The following SLC22A3 variants were observed in gnomAD, a reference collection of about 807,000 sequenced individuals.
SLC22A3 encodes the protein solute carrier family 22 member 3.
Under a neutral mutation model 59.1 loss-of-function variants are expected in SLC22A3, and 51 were observed. The ratio of observed to expected loss-of-function variants is 0.86; its 90% CI spans 0.69 to 1.09. The LOEUF (loss-of-function observed/expected upper bound fraction) is 1.09, where lower values mean the gene tolerates loss of function less well. Among genes scored for constraint, SLC22A3 ranks in the 50% least tolerant of loss-of-function variants. SLC22A3 has a pLI of 0.00. For missense variants in SLC22A3, 711 were observed against 726.3 expected (o/e 0.98, Z 0.24); for synonymous variants, 325 against 292.0 (o/e 1.11, Z -1.15).
At chr6:160,385,745 C>T (rs1785981198) in intron 1 of SLC22A3, among the ~76,000 whole-genome samples, 1 of 152,212 alleles carries the variant, frequency 6.6e-6, no homozygotes, top group Admixed American at 6.5e-5. Flanking sequence ...TGCTTACCTC[C>T]CTCGCAGGCT....
chr6:160,433,599 T>C (rs1788233285), intron 5 of SLC22A3, among the ~76,000 whole-genome samples: 1 of 152,108 alleles, frequency 6.6e-6, no homozygotes, highest in Admixed American at 6.6e-5. Context: ...TACCAGCTAC[T>C]CAGGAGGCTG....
At chr6:160,429,841 C>A (rs1788087481) in intron 5 of SLC22A3, among the ~76,000 whole-genome samples, 1 of 151,264 alleles carries the variant, frequency 6.6e-6, no homozygotes, top group African/African-American at 2.4e-5. Context: ...AAAAAGAAAT[C>A]CATTTCTTAA....
chr6:160,362,533 A>G (rs1331538850), intron 1 of SLC22A3, among the ~76,000 whole-genome samples: 2 of 152,148 alleles, frequency 1.3e-5, no homozygotes, highest in Non-Finnish European at 2.9e-5. Flanking sequence ...TAGTGTCTCC[A>G]TGTGAGTTTC....
chr6:160,448,442 G>A (rs1346816170), intron 10 of SLC22A3, among the ~76,000 whole-genome samples: 1 of 152,008 alleles, frequency 6.6e-6, no homozygotes, highest in African/African-American at 2.4e-5. Flanking sequence ...ATAAATAATA[G>A]ATGATAGATG....
chr6:160,393,606 A>G (rs1418163031), intron 1 of SLC22A3, among the ~76,000 whole-genome samples: 1 of 152,174 alleles, frequency 6.6e-6, no homozygotes, highest in Admixed American at 6.5e-5. Context: ...ATGTCCCTAC[A>G]AAGAACATGA....
intron 3 of SLC22A3, among the ~76,000 whole-genome samples, chr6:160,408,024 G>A (rs1787091792): frequency 6.6e-6 from 1 of 152,168 alleles, no homozygotes; most frequent in Non-Finnish European, 1.5e-5. Flanking sequence ...GGTTGTCACT[G>A]TCTGGAACAG....
At chr6:160,444,673 T>G (rs1295650645) in intron 9 of SLC22A3, among the ~76,000 whole-genome samples, 1 of 152,224 alleles carries the variant, frequency 6.6e-6, no homozygotes, top group Non-Finnish European at 1.5e-5. Flanking sequence ...ACTTCCCCTG[T>G]GCCCTCTTCT....
chr6:160,363,972 G>A (rs1785115010), intron 1 of SLC22A3, among the ~76,000 whole-genome samples: 1 of 151,930 alleles, frequency 6.6e-6, no homozygotes, highest in South Asian at 2.1e-4. Flanking sequence ...GAGAGTCCCA[G>A]ACAAACTGGG....
intron 1 of SLC22A3, among the ~76,000 whole-genome samples, chr6:160,375,378 C>A (rs924150079): frequency 6.6e-6 from 1 of 152,106 alleles, no homozygotes; most frequent in Non-Finnish European, 1.5e-5. Context: ...CTCTTCTTTG[C>A]AAAGCAAACA....
chr6:160,444,940 A>G (rs1300048855), intron 9 of SLC22A3, among the ~76,000 whole-genome samples: 5 of 152,190 alleles, frequency 3.3e-5, no homozygotes, highest in African/African-American at 1.2e-4. Context: ...GGATTTGGTC[A>G]TCAAGCTGAG....
intron 1 of SLC22A3, among the ~76,000 whole-genome samples, chr6:160,388,968 A>T (rs1023416234): frequency 1.3e-5 from 2 of 152,216 alleles, no homozygotes; most frequent in Non-Finnish European, 2.9e-5. Flanking sequence ...AGGAAATGCA[A>T]TAATCCAGAC....
intron 2 of SLC22A3, among the ~76,000 whole-genome samples, chr6:160,403,718 A>AGT (rs1786885189): frequency 6.6e-6 from 1 of 151,946 alleles, no homozygotes; most frequent in South Asian, 2.1e-4. Context: ...TAGCATACCA[A>AGT]GTGCGTAGTA....
chr6:160,377,637 G>C (rs1327803721), intron 1 of SLC22A3, among the ~76,000 whole-genome samples: 1 of 152,118 alleles, frequency 6.6e-6, no homozygotes, highest in Non-Finnish European at 1.5e-5. Flanking sequence ...ATTATTAAGA[G>C]TTTTCTCGAG....
chr6:160,437,695 T>C (rs1158179789), intron 7 of SLC22A3, among the ~76,000 whole-genome samples: 1 of 152,218 alleles, frequency 6.6e-6, no homozygotes, highest in Non-Finnish European at 1.5e-5. Flanking sequence ...TAGAAACTAA[T>C]TAAACTATTT....
At chr6:160,366,375 T>G (rs1395887586) in intron 1 of SLC22A3, among the ~76,000 whole-genome samples, 1 of 152,202 alleles carries the variant, frequency 6.6e-6, no homozygotes, top group Non-Finnish European at 1.5e-5. Context: ...CACATCCAGG[T>G]TACACTGATG....
At chr6:160,394,808 C>T (rs1166514486) in intron 1 of SLC22A3, among the ~76,000 whole-genome samples, 2 of 152,218 alleles carry the variant, frequency 1.3e-5, no homozygotes, top group Non-Finnish European at 2.9e-5. Flanking sequence ...CATTACAAAG[C>T]TGGCAGCTGT....
At chr6:160,438,017 G>T (rs1788413068) in intron 7 of SLC22A3, among the ~76,000 whole-genome samples, 1 of 152,132 alleles carries the variant, frequency 6.6e-6, no homozygotes, top group Non-Finnish European at 1.5e-5. Context: ...GGAGGAGTGA[G>T]TTTGGCATAA....
chr6:160,380,530 ACTTTAT>A (rs1256150131), intron 1 of SLC22A3, among the ~76,000 whole-genome samples: 2 of 152,182 alleles, frequency 1.3e-5, no homozygotes, highest in Admixed American at 6.5e-5. Context: ...AGAGAACATA[ACTTTAT>A]CTTTATAAAA....
intron 1 of SLC22A3, among the ~76,000 whole-genome samples, chr6:160,373,129 A>T (rs1785460428): frequency 6.6e-6 from 1 of 152,124 alleles, no homozygotes; most frequent in Non-Finnish European, 1.5e-5. Context: ...GTTTTTCCTC[A>T]TCTTCGTGGA....
Sources: allele counts gnomAD v4.1 joint callset (sites outside exome capture counted in the v4.1 genomes callset), GRCh38; gene constraint gnomAD v4.1.1; transcripts MANE v1.5; gene names NCBI Gene and HGNC (gene_info 2026-07-23, HGNC 2026-07-21).